RBM11: variants seen among roughly 807,000 people sequenced by gnomAD.
RBM11 encodes the protein splicing regulator RBM11.
A neutral mutation model predicts 21.4 loss-of-function variants in RBM11; 18 were observed. That is an observed-to-expected ratio of 0.84 (90% CI 0.58 to 1.25). The LOEUF (loss-of-function observed/expected upper bound fraction) is 1.25. Ranked by LOEUF, RBM11 falls within the 50% of genes most tolerant of loss-of-function variation. The pLI, the probability that RBM11 is intolerant of heterozygous loss-of-function variation, is 0.00. For missense variants in RBM11, 294 were observed against 331.9 expected, an observed-to-expected ratio of 0.89 and a Z score of 0.89; for synonymous variants, 120 against 116.3, an observed-to-expected ratio of 1.03 and a Z score of -0.20.
intron 4 of RBM11, among the ~76,000 whole-genome samples, chr21:14,225,902 A>G (rs531127159): frequency 2.6e-5 from 4 of 152,234 alleles, no homozygotes; most frequent in Non-Finnish European, 4.4e-5. Flanking sequence ...ATGCTATAAA[A>G]TATGGGGGCA....
chr21:14,225,815 A>G (rs796351841), intron 4 of RBM11, among the ~76,000 whole-genome samples: 1 of 152,196 alleles, frequency 6.6e-6, no homozygotes, highest in African/African-American at 2.4e-5. Flanking sequence ...TTAATCTTTA[A>G]TCTTTGAATA....
intron 1 of RBM11, among the ~76,000 whole-genome samples, chr21:14,216,798 G>C (rs1032823008): frequency 3.3e-5 from 5 of 152,076 alleles, no homozygotes; most frequent in African/African-American, 4.8e-5. Flanking sequence ...TGATTCCCTG[G>C]ACAAGGCCCT....
At position 14,224,549 on chromosome 21, in the gene RBM11, A is replaced by G. The variant is rs1397966003; in HGVS notation, c.432+12A>G. On this transcript the variant is annotated intron_variant, in intron 4 of 4. Transcript: ENST00000400577. The stretch of plus-strand genomic sequence containing the variant: ...TCTTTCAGAAGATGGTAAGTTTAAT[A>G]TGCATTTTATTTAGTATATAATATG... 1 of 1,542,572 alleles carries G rather than the reference A, an allele frequency of 6.5e-7. No homozygotes were observed. The highest frequency in any genetic ancestry group is 2.4e-5 in the East Asian group (1 of 40,938).
At position 14,216,180 on chromosome 21, in the gene RBM11, C is replaced by T; in HGVS notation, c.-7C>T. ...CTCCTACTTCATTCTACGGCCGAGA[C>T]CGGAGGATGTTCCCTGCTCAGGAGG... On this transcript the variant is annotated 5_prime_UTR_variant, in exon 1 of 5. Coordinates refer to ENST00000400577, the MANE Select transcript of RBM11 (RefSeq NM_144770.5). The T allele has an allele frequency of 6.2e-7, 1 of 1,611,786 alleles. No homozygotes were observed. The highest frequency in any genetic ancestry group is 8.5e-7 in the Non-Finnish European group (1 of 1,178,586).
chr21:14,219,911 TG>T (rs1978514507), intron 2 of RBM11, among the ~76,000 whole-genome samples, 186 bp downstream of exon 2: 1 of 152,214 alleles, frequency 6.6e-6, no homozygotes. Flanking sequence ...TAATTAGTCT[TG>T]ACAAACCTAT....
chr21:14,221,319 G>A (rs1978647168), intron 3 of RBM11, 150 bp downstream of exon 3: 2 of 938,252 alleles, frequency 2.1e-6, no homozygotes, highest in Admixed American at 3.8e-5. Flanking sequence ...CCCATGAAAA[G>A]TGATAGAAAA....
chr21:14,219,567 G>T lies in RBM11; in HGVS notation c.101G>T (p.Gly34Val). 6.7e-7 allele frequency: 1 copy of T among 1,495,926 alleles called. No homozygotes were observed. Among genetic ancestry groups the T allele is most frequent in the South Asian group, 1.3e-5 (1 of 75,190 alleles). The allele number at this position is 1,495,926 out of a possible 1,614,324, so 92.7% of individuals were successfully genotyped here. A position where few individuals can be genotyped will look rare whatever the true frequency, so the allele number is the denominator to read the frequency against. Reference sequence around the variant, plus strand: ...TAATTTTTAAGTTTCTTATAGGCGGGGCCACTAACCAAAGTGACTATATGC... The same window carrying T: ...TAATTTTTAAGTTTCTTATAGGCGGTGCCACTAACCAAAGTGACTATATGC... ...EILYELFLQA[G>V]PLTKVTICKD... Residue 34 changes from glycine (G) to valine (V), a missense_variant, in exon 2 of 5, where the codon GGG (glycine) becomes GTG (valine). By Grantham distance (109) the Gly-to-Val change is moderately radical (BLOSUM62 -3). This residue lies in a region of RBM11 where 181 missense variants were observed against 164.6 expected (regional missense o/e 1.10). Transcript: ENST00000400577.
Position 14,227,485 on chromosome 21 carries a change from C to A in RBM11, c.*192C>A. 1 of 581,322 alleles carries A rather than the reference C, an allele frequency of 1.7e-6. No homozygotes were observed. The highest frequency in any genetic ancestry group is 2.9e-6 in the Non-Finnish European group (1 of 348,424). The allele number at this position is 581,322 out of a possible 1,614,324, so 36.0% of individuals were successfully genotyped here. ...AGCTTTCTAAAAATAGTATAATGTA[C>A]CACTTTTTGTATTTGTCATGATATT... On this transcript the variant is annotated 3_prime_UTR_variant, in exon 5 of 5. Coordinates refer to ENST00000400577, the MANE Select transcript of RBM11 (RefSeq NM_144770.5).
At chr21:14,219,913 ACAAACCT>A (rs1978515416) in intron 2 of RBM11, among the ~76,000 whole-genome samples, 188 bp downstream of exon 2, 1 of 152,202 alleles carries the variant, frequency 6.6e-6, no homozygotes. Flanking sequence ...ATTAGTCTTG[ACAAACCT>A]ATAGCATCTT....
At chr21:14,224,354 A>G in intron 3 of RBM11, 84 bp from the exon 4 acceptor site, 1 of 1,480,144 alleles carries the variant, frequency 6.8e-7, no homozygotes, top group South Asian at 1.4e-5. Context: ...CCCCTGAGGA[A>G]AGATAGTGGT....
chr21:14,225,078 C>T (rs930490785), intron 4 of RBM11, among the ~76,000 whole-genome samples: 5 of 151,818 alleles, frequency 3.3e-5, no homozygotes, highest in South Asian at 2.1e-4. Flanking sequence ...GATTGTGCTC[C>T]AGCCTGGCCA....
At chr21:14,225,464 G>A (rs1979012906) in intron 4 of RBM11, among the ~76,000 whole-genome samples, 1 of 151,972 alleles carries the variant, frequency 6.6e-6, no homozygotes, top group African/African-American at 2.4e-5. Context: ...AGAAATTGAA[G>A]TCCAGGGTTG....
In RBM11 at chr21:14,224,499, A is replaced by T; in HGVS notation, c.394A>T (p.Thr132Ser). 2 of 1,558,982 alleles carry T rather than the reference A, an allele frequency of 1.3e-6. No homozygotes were observed. Residue 132 changes from threonine (T) to serine (S), a missense_variant, in exon 4 of 5, where the codon ACT (threonine) becomes TCT (serine). Thr to Ser is a moderately conservative substitution (Grantham distance 58). Around this residue, in one of 2 missense-constraint regions of RBM11, gnomAD observed 181 missense variants for 164.6 expected, o/e 1.10. Transcript: ENST00000400577. Reference protein sequence around the residue: ...FPMQYFPINNTSLPQEYFLFQ... With the variant: ...FPMQYFPINNSSLPQEYFLFQ... ...CATGCAGTATTTTCCAATTAATAATACTTCTTTACCTCAAGAATATTTTCT... is the reference window on the plus strand; with the variant it reads ...CATGCAGTATTTTCCAATTAATAATTCTTCTTTACCTCAAGAATATTTTCT...
intron 2 of RBM11, 31 bp downstream of exon 2, chr21:14,219,756 T>G (rs755341980): frequency 4.6e-5 from 70 of 1,531,530 alleles, no homozygotes; most frequent in Non-Finnish European, 6.2e-5. Context: ...ATCTTCAAAG[T>G]GTTTTGTGGT....
intron 1 of RBM11, among the ~76,000 whole-genome samples, chr21:14,216,847 C>G (rs1320020366): frequency 3.9e-5 from 6 of 152,086 alleles, no homozygotes; most frequent in Non-Finnish European, 8.8e-5. Context: ...ACTTTGAGAT[C>G]TGGTACCTCT....
At chr21:14,221,210 T>C in intron 3 of RBM11, 41 bp downstream of exon 3, 1 of 1,506,964 alleles carries the variant, frequency 6.6e-7, no homozygotes, top group Non-Finnish European at 8.8e-7. Flanking sequence ...AAAGCAAATA[T>C]ATTTTTATGC....
intron 1 of RBM11, among the ~76,000 whole-genome samples, chr21:14,216,909 A>G (rs778217877): frequency 4.6e-5 from 7 of 152,250 alleles, no homozygotes; most frequent in South Asian, 2.1e-4. Context: ...GTATTGTCCT[A>G]TACAGCTAGG....
intron 1 of RBM11, among the ~76,000 whole-genome samples, chr21:14,217,888 A>C (rs764927768): frequency 3.0e-4 from 46 of 152,318 alleles, no homozygotes; most frequent in Non-Finnish European, 3.2e-4. Flanking sequence ...TCAGGACTCG[A>C]TCAATATCAG....
intron 3 of RBM11, chr21:14,221,540 G>C (rs1978665996): frequency 6.4e-6 from 1 of 155,992 alleles, no homozygotes; most frequent in African/African-American, 2.4e-5. Flanking sequence ...AAGGTCACAG[G>C]ATGATAAAGT....
Sources: gnomAD v4.1 joint callset for allele counts (sites outside exome capture counted in the v4.1 genomes callset) on GRCh38, gnomAD v4.1.1 for gene constraint, gnomAD v4.1.1 regional missense constraint, MANE v1.5 for transcripts, NCBI Gene and HGNC (gene_info 2026-07-23, HGNC 2026-07-21) for gene names.